EGFLAM: variants seen among roughly 807,000 people sequenced by gnomAD.
The protein encoded by EGFLAM is pikachurin.
A neutral mutation model predicts 113.1 loss-of-function variants in EGFLAM; 79 were observed. The observed-to-expected ratio is 0.70, with a 90% CI of 0.58 to 0.84. The LOEUF is 0.84. Ranked by LOEUF, EGFLAM falls within the 40% of genes least tolerant of loss-of-function variation. The pLI is 0.00. For missense variants in EGFLAM, 1,265 were observed against 1,291.6 expected, an observed-to-expected ratio of 0.98 and a Z score of 0.32; for synonymous variants, 504 against 487.6, an observed-to-expected ratio of 1.03 and a Z score of -0.44.
intron 3 of EGFLAM, among the ~76,000 whole-genome samples, chr5:38,342,130 C>A (rs1739354298): frequency 6.6e-6 from 1 of 152,174 alleles, no homozygotes. Context: ...CTAGTGTAAG[C>A]ACAGACAGCT....
At chr5:38,428,486 A>G (rs953566739) in intron 14 of EGFLAM, among the ~76,000 whole-genome samples, 1 of 152,242 alleles carries the variant, frequency 6.6e-6, no homozygotes, top group African/African-American at 2.4e-5. Flanking sequence ...TGGGGATTTA[A>G]TTGATTCAAT....
chr5:38,323,860 C>A (rs1170235989), intron 1 of EGFLAM, among the ~76,000 whole-genome samples: 1 of 151,938 alleles, frequency 6.6e-6, no homozygotes, highest in Non-Finnish European at 1.5e-5. Flanking sequence ...ATCAGCCTGG[C>A]CAATATGGTG....
rs146099461 is a variant in EGFLAM at position 38,369,129 on chromosome 5, C to T, written c.546-1167C>T. ...GCTAGGATGTCCACATAGAGCAGTG[C>T]TATCCAGTAGAAATACAACGCCAGC... is the stretch of plus-strand genomic sequence containing the variant. On this transcript the variant is annotated intron_variant, in intron 5 of 21. Coordinates refer to ENST00000322350, the MANE Select transcript of EGFLAM (RefSeq NM_152403.4). Among the ~76,000 whole-genome samples, 276 of 152,232 alleles carry T rather than the reference C, an allele frequency of 1.8e-3. 1 individual carries two copies. Among genetic ancestry groups the T allele is most frequent in the African/African-American group, 6.5e-3 (268 of 41,528 alleles).
At chr5:38,462,638 G>T (rs1176519397) in intron 20 of EGFLAM, 3 of 378,438 alleles carry the variant, frequency 7.9e-6, no homozygotes, top group Non-Finnish European at 5.0e-6. Context: ...TGCTCCTCTG[G>T]TGTAATTCCA....
chr5:38,383,203 C>T (rs773596159), intron 6 of EGFLAM, among the ~76,000 whole-genome samples: 2 of 152,168 alleles, frequency 1.3e-5, no homozygotes, highest in Admixed American at 6.5e-5. Context: ...TGCAACCAAA[C>T]GTCCACAAAC....
At chr5:38,460,712 C>T (rs1272420352) in intron 20 of EGFLAM, among the ~76,000 whole-genome samples, 1 of 152,090 alleles carries the variant, frequency 6.6e-6, no homozygotes, top group Admixed American at 6.5e-5. Context: ...GCAGACAGGC[C>T]TAGAAGGGAA....
chr5:38,441,051 C>T (rs1742516714), intron 17 of EGFLAM, among the ~76,000 whole-genome samples: 1 of 152,128 alleles, frequency 6.6e-6, no homozygotes, highest in South Asian at 2.1e-4. Context: ...GGTTTCAGGG[C>T]CCCCGCTTTT....
chr5:38,268,254 T>C (rs555044276), intron 1 of EGFLAM, among the ~76,000 whole-genome samples: 1 of 152,226 alleles, frequency 6.6e-6, no homozygotes, highest in Admixed American at 6.5e-5. Flanking sequence ...AAGTCCAAAG[T>C]GGATGTTCCT....
At chr5:38,354,562 C>T (rs1048367104) in intron 5 of EGFLAM, among the ~76,000 whole-genome samples, 1 of 152,126 alleles carries the variant, frequency 6.6e-6, no homozygotes, top group Non-Finnish European at 1.5e-5. Flanking sequence ...AACCCCATCT[C>T]TACTAAAAAT....
chr5:38,435,221 G>A lies in EGFLAM; in HGVS notation c.2251G>A (p.Val751Ile). The A allele has an allele frequency of 6.2e-7, 1 of 1,614,138 alleles. No homozygotes were observed. Among genetic ancestry groups the A allele is most frequent in the Non-Finnish European group, 8.5e-7 (1 of 1,180,010 alleles). Residue 751 changes from valine (V) to isoleucine (I), a missense_variant, in exon 16 of 22, where the codon GTC becomes ATC. Val to Ile is a conservative substitution (Grantham distance 29, BLOSUM62 3). Coordinates refer to ENST00000322350, the MANE Select transcript of EGFLAM (RefSeq NM_152403.4). ...NYDDVKKNSGVLKPFSGSIQK... is the reference protein window; with the variant it reads ...NYDDVKKNSGILKPFSGSIQK... The stretch of plus-strand genomic sequence containing the variant: ...TGATGATGTGAAGAAGAACTCGGGT[G>A]TCCTGAAGCCTTTCAGCGGGAGCAT...
intron 6 of EGFLAM, among the ~76,000 whole-genome samples, chr5:38,395,239 C>CTT (rs1221649921): frequency 0.05 from 5,739 of 114,606 alleles, 241 homozygotes; most frequent in African/African-American, 0.083. Context: ...CATGCCTAGC[C>CTT]TTTTTTTTTT....
intron 1 of EGFLAM, among the ~76,000 whole-genome samples, chr5:38,299,231 A>C (rs1251006191): frequency 6.6e-6 from 1 of 152,202 alleles, no homozygotes; most frequent in East Asian, 1.9e-4. Flanking sequence ...GAGAACAGAC[A>C]AGACTGTGCC....
intron 6 of EGFLAM, chr5:38,402,220 T>C (rs985840415): frequency 6.6e-6 from 1 of 152,050 alleles, no homozygotes; most frequent in African/African-American, 2.4e-5. Context: ...TTTTAAAGAG[T>C]ATTTTTTAAA....
intron 6 of EGFLAM, among the ~76,000 whole-genome samples, chr5:38,380,161 G>A (rs1392048510): frequency 2.0e-5 from 3 of 152,188 alleles, no homozygotes; most frequent in Admixed American, 2.0e-4. Flanking sequence ...TGTTACAGCA[G>A]GCTGGATTTG....
At chr5:38,306,156 T>C (rs1170624817) in intron 1 of EGFLAM, among the ~76,000 whole-genome samples, 1 of 152,224 alleles carries the variant, frequency 6.6e-6, no homozygotes, top group Admixed American at 6.5e-5. Context: ...CTGAAATAGA[T>C]GAGCAGTCTA....
intron 6 of EGFLAM, chr5:38,403,829 G>A: frequency 6.2e-7 from 1 of 1,613,716 alleles, no homozygotes; most frequent in Non-Finnish European, 8.5e-7. Flanking sequence ...AGGGCCTTTT[G>A]TGTGAAGACA....
At chr5:38,343,351 A>G (rs1340001732) in intron 3 of EGFLAM, among the ~76,000 whole-genome samples, 4 of 151,004 alleles carry the variant, frequency 2.6e-5, no homozygotes, top group Non-Finnish European at 5.9e-5. Context: ...GGTTACAGTG[A>G]GCCGAGATCG....
intron 1 of EGFLAM, among the ~76,000 whole-genome samples, chr5:38,264,830 C>A (rs1423378345): frequency 2.0e-5 from 3 of 152,340 alleles, no homozygotes; most frequent in African/African-American, 7.2e-5. Flanking sequence ...AGGGACCTAG[C>A]ACACTCATCC....
At chr5:38,433,636 T>G (rs1363698870) in intron 15 of EGFLAM, among the ~76,000 whole-genome samples, 1 of 152,132 alleles carries the variant, frequency 6.6e-6, no homozygotes, top group African/African-American at 2.4e-5. Flanking sequence ...ATAATGCAAT[T>G]TTTTTTCCTA....
Sources: allele counts gnomAD v4.1 joint callset (sites outside exome capture counted in the v4.1 genomes callset), GRCh38; gene constraint gnomAD v4.1.1; transcripts MANE v1.5; gene names NCBI Gene and HGNC (gene_info 2026-07-23, HGNC 2026-07-21).